Variants in YME1L1 observed in about 807,000 individuals in gnomAD.
YME1L1 encodes ATP-dependent zinc metalloprotease YME1L1.
Under a neutral mutation model 90.4 loss-of-function variants are expected in YME1L1, and 39 were observed. That is an observed-to-expected ratio of 0.43 (90% CI 0.33 to 0.56). The LOEUF (loss-of-function observed/expected upper bound fraction) is 0.56, where lower values mean the gene tolerates loss of function less well. Ranked by LOEUF, YME1L1 falls within the 20% of genes least tolerant of loss-of-function variation. YME1L1 has a pLI of 0.03. For synonymous variants in YME1L1, 284 were observed against 287.3 expected, an observed-to-expected ratio of 0.99 and a Z score of 0.12; for missense variants, 617 against 868.4, an observed-to-expected ratio of 0.71 and a Z score of 3.64.
At chr10:27,138,799 T>C (rs916078263) in intron 4 of YME1L1, among the ~76,000 whole-genome samples, 8 of 152,194 alleles carry the variant, frequency 5.3e-5, no homozygotes, top group Middle Eastern at 3.4e-3. Flanking sequence ...TTAAATCATA[T>C]TGTTCAGAAT....
intron 5 of YME1L1, among the ~76,000 whole-genome samples, chr10:27,136,034 C>T (rs1009651321): frequency 6.6e-6 from 1 of 152,060 alleles, no homozygotes; most frequent in Non-Finnish European, 1.5e-5. Context: ...GGATGCTGCT[C>T]ATTAATACAG....
intron 10 of YME1L1, among the ~76,000 whole-genome samples, 196 bp downstream of exon 10, chr10:27,123,351 A>T (rs2056885580): frequency 6.6e-6 from 1 of 152,192 alleles, no homozygotes; most frequent in African/African-American, 2.4e-5. Context: ...GATAATTCAT[A>T]TAGTAAGTTA....
In YME1L1 at chr10:27,122,895, G is replaced by A; in HGVS notation, c.1181C>T (p.Pro394Leu). 1 of 1,613,394 alleles carries A rather than the reference G, an allele frequency of 6.2e-7. No individual in the cohort carries two copies. The highest frequency in any genetic ancestry group is 8.5e-7 in the Non-Finnish European group (1 of 1,179,712). ...DSVGGKRIES[P>L]MHPYSRQTIN... ...GGTCTGCCTTGAATATGGATGCATT[G>A]GAGATTCAATTCTCTTCCCACCAAC... Residue 394 changes from proline to leucine, a missense_variant, in exon 11 of 19, where the codon CCA (proline) becomes CTA (leucine). Coordinates refer to ENST00000376016, the MANE Select transcript of YME1L1 (RefSeq NM_014263.4).
chr10:27,151,737 C>T (rs921843719), intron 1 of YME1L1, among the ~76,000 whole-genome samples: 5 of 151,960 alleles, frequency 3.3e-5, no homozygotes, highest in Non-Finnish European at 2.9e-5. Flanking sequence ...AAAAATTAGC[C>T]GGGCGTGGTG....
chr10:27,111,703 TAATA>T lies in YME1L1; in HGVS notation c.*270_*273del. The T allele has an allele frequency of 2.0e-6, 1 of 492,512 alleles. No homozygotes were observed. The highest frequency in any genetic ancestry group is 2.1e-5 in the South Asian group (1 of 48,692). The allele number at this position is 492,512 out of a possible 1,614,324, so 30.5% of individuals were successfully genotyped here. On this transcript the variant is annotated 3_prime_UTR_variant, in exon 19 of 19. Transcript: ENST00000376016. ...ATAAAATCATTAATTACTTTCAACT[TAATA>T]ACTAATTGACATTCCTCAAAAGAGC...
At chr10:27,137,986 G>C (rs2057047122) in intron 4 of YME1L1, among the ~76,000 whole-genome samples, 1 of 151,914 alleles carries the variant, frequency 6.6e-6, no homozygotes, top group South Asian at 2.1e-4. Flanking sequence ...TTTAAAGGTA[G>C]TCTACTTACT....
At position 27,147,682 on chromosome 10, in the gene YME1L1, G is replaced by C. The variant is rs992463055; in HGVS notation, c.168+1224C>G. The C allele has an allele frequency of 8.4e-6, 13 of 1,550,922 alleles. No homozygotes were observed. In the East Asian group the frequency reaches 2.9e-4, roughly 35 times the overall value. On this transcript the variant is annotated intron_variant, in intron 2 of 18. Transcript: ENST00000376016. ...ACTGAACATACACTGTAGGAAGAGA[G>C]GTTTTGATTCCTGGTTGTGGTATGC...
intron 9 of YME1L1, among the ~76,000 whole-genome samples, chr10:27,125,458 G>GAAAAAAAAAAA (rs68143135): frequency 5.6e-5 from 6 of 107,706 alleles, no homozygotes; most frequent in East Asian, 3.0e-4. Flanking sequence ...TGTTTCATTT[G>GAAAAAAAAAAA]AAAAAAAAAA....
intron 1 of YME1L1, among the ~76,000 whole-genome samples, chr10:27,152,172 TAATC>T (rs1370981813): frequency 1.3e-5 from 2 of 152,322 alleles, no homozygotes; most frequent in African/African-American, 4.8e-5. Flanking sequence ...ACTTTAAAAA[TAATC>T]AAATCATTTC....
Position 27,154,243 on chromosome 10 carries a change from G to A in YME1L1, c.-33C>T. The A allele has an allele frequency of 5.7e-6, 9 of 1,581,062 alleles. No individual in the cohort carries two copies. The South Asian group carries it at 9.2e-5, about 16-fold the overall frequency. On this transcript the variant is annotated 5_prime_UTR_variant, in exon 1 of 19. Coordinates refer to ENST00000376016, the MANE Select transcript of YME1L1 (RefSeq NM_014263.4). ...GGGCCCTCAGCGACCTCACCCGCCT[G>A]CCGAAACTGTGCCCCTCTGTCCACG...
Position 27,123,583 on chromosome 10 carries a change from C to T in YME1L1, c.1066G>A (p.Val356Met). ...CTGATACGGCTGGCTCCCACACCCA[C>T]AAACATCTCATCAAATTCGGATCCA... ...ASGSEFDEMF[V>M]GVGASRIRNL... Residue 356 changes from valine (V) to methionine (M), a missense_variant, in exon 10 of 19, where the codon GTG becomes ATG. Transcript: ENST00000376016. The T allele has an allele frequency of 6.2e-7, 1 of 1,613,898 alleles. No homozygotes were observed. Among genetic ancestry groups the T allele is most frequent in the Non-Finnish European group, 8.5e-7 (1 of 1,179,888 alleles).
chr10:27,136,230 C>A (rs756482214), intron 5 of YME1L1, 46 bp downstream of exon 5: 2 of 1,508,936 alleles, frequency 1.3e-6, no homozygotes, highest in East Asian at 4.5e-5. Flanking sequence ...CTCACTCTAA[C>A]AACTTGAAAA....
At chr10:27,153,021 T>C (rs1490567135) in intron 1 of YME1L1, among the ~76,000 whole-genome samples, 1 of 152,220 alleles carries the variant, frequency 6.6e-6, no homozygotes, top group African/African-American at 2.4e-5. Flanking sequence ...TCCAACCTCT[T>C]CTGTCACTAC....
chr10:27,137,400 TCTGGTTTTTATTG>T (rs2057040487), intron 4 of YME1L1, among the ~76,000 whole-genome samples: 1 of 152,262 alleles, frequency 6.6e-6, no homozygotes, highest in Admixed American at 6.5e-5. Context: ...TTATTTGTTT[TCTGGTTTTTATTG>T]CTGGAAACAA....
At chr10:27,139,621 G>T (rs1350266824) in intron 4 of YME1L1, among the ~76,000 whole-genome samples, 1 of 152,050 alleles carries the variant, frequency 6.6e-6, no homozygotes, top group Non-Finnish European at 1.5e-5. Context: ...GTGCCTCTGG[G>T]GCAAAGGGAC....
At chr10:27,117,816 C>A in intron 14 of YME1L1, 89 bp from the exon 15 acceptor site, 2 of 1,342,136 alleles carry the variant, frequency 1.5e-6, no homozygotes, top group Non-Finnish European at 1.0e-6. Flanking sequence ...CAAATACACT[C>A]CACCCTTCCT....
Position 27,145,521 on chromosome 10 carries a change from T to C in YME1L1, c.238A>G (p.Asn80Asp). The change falls in exon 3 of 19, where the codon AAT becomes GAT. Residue 80 changes from asparagine to aspartate, a missense_variant. Transcript: ENST00000376016. ...KIGQIDQLVE[N>D]LLPGFCKGKN... ...CCTTTACAAAATCCAGGAAGTAGAT[T>C]TTCTACCAGCTGATCAATCTGTCCA... 6.2e-7 allele frequency: 1 copy of C among 1,613,706 alleles called. No homozygotes were observed. The highest frequency in any genetic ancestry group is 2.2e-5 in the East Asian group (1 of 44,790).
intron 2 of YME1L1, 72 bp from the exon 3 acceptor site, chr10:27,145,662 C>T: frequency 8.3e-7 from 1 of 1,211,782 alleles, no homozygotes; most frequent in Non-Finnish European, 1.1e-6. Context: ...TACATATTAT[C>T]AGTTAAAACA....
intron 4 of YME1L1, among the ~76,000 whole-genome samples, chr10:27,138,646 C>A (rs2057053818): frequency 6.6e-6 from 1 of 152,040 alleles, no homozygotes; most frequent in Non-Finnish European, 1.5e-5. Context: ...ATGCATTTAT[C>A]TGGTATGGAC....
Sources: gnomAD v4.1 joint callset for allele counts (sites outside exome capture counted in the v4.1 genomes callset) on GRCh38, gnomAD v4.1.1 for gene constraint, MANE v1.5 for transcripts, NCBI Gene and HGNC (gene_info 2026-07-23, HGNC 2026-07-21) for gene names.